CLSTN2: variants seen among roughly 807,000 people sequenced by gnomAD.
CLSTN2 encodes the protein calsyntenin-2.
CLSTN2 carries 48 observed loss-of-function variants against 101.2 expected under a neutral mutation model. The observed-to-expected ratio is 0.47, with a 90% CI of 0.38 to 0.60. The LOEUF is 0.60. Ranked by LOEUF, CLSTN2 falls within the 20% of genes least tolerant of loss-of-function variation. The pLI, the probability that CLSTN2 is intolerant of heterozygous loss-of-function variation, is 0.00. For missense variants in CLSTN2, 1,160 were observed against 1,238.2 expected (o/e 0.94, Z 0.95); for synonymous variants, 481 against 463.6 (o/e 1.04, Z -0.48).
chr3:140,469,309 C>T (rs1192962800), intron 8 of CLSTN2, among the ~76,000 whole-genome samples: 1 of 152,190 alleles, frequency 6.6e-6, no homozygotes, highest in African/African-American at 2.4e-5. Context: ...AGCCCCAGCT[C>T]ACCTGCACAG....
In CLSTN2 at chr3:140,237,940, CTCTGCTG is replaced by C. The variant is rs2086430997; in HGVS notation, c.232+61871_232+61877del. Among the ~76,000 whole-genome samples, 4 of 152,142 alleles carry C rather than the reference CTCTGCTG, an allele frequency of 2.6e-5. No homozygotes were observed. The South Asian group carries it at 6.2e-4, about 24-fold the overall frequency. Reference sequence around the variant, plus strand: ...TTGAAGTCATAATCTCAACTTTAGGCTCTGCTGTCTCAAAAGCATTTCTGTAAATCAA... The same window carrying C: ...TTGAAGTCATAATCTCAACTTTAGGCTCTCAAAAGCATTTCTGTAAATCAA... On this transcript the variant is annotated intron_variant, in intron 2 of 16. Coordinates refer to ENST00000458420, the MANE Select transcript of CLSTN2 (RefSeq NM_022131.3).
At chr3:140,341,906 G>A (rs757211943) in intron 2 of CLSTN2, among the ~76,000 whole-genome samples, 35 of 152,276 alleles carry the variant, frequency 2.3e-4, no homozygotes, top group Admixed American at 1.0e-3. Context: ...GAGTCTGACA[G>A]CAGGTGGTTA....
intron 9 of CLSTN2, among the ~76,000 whole-genome samples, chr3:140,533,990 A>G (rs571616073): frequency 6.6e-5 from 10 of 152,306 alleles, no homozygotes; most frequent in African/African-American, 2.4e-4. Context: ...AATGTTTATT[A>G]AATATTTCAG....
intron 5 of CLSTN2, among the ~76,000 whole-genome samples, chr3:140,437,200 C>G (rs1265235655): frequency 2.0e-5 from 3 of 152,084 alleles, no homozygotes; most frequent in Non-Finnish European, 2.9e-5. Flanking sequence ...AGTTGCCCAC[C>G]ACCATGCCCA....
chr3:140,301,201 C>T (rs1164224712), intron 2 of CLSTN2, among the ~76,000 whole-genome samples: 3 of 152,132 alleles, frequency 2.0e-5, no homozygotes, highest in African/African-American at 7.2e-5. Flanking sequence ...TCTGGGCACC[C>T]CTTGTCAGCT....
At chr3:140,288,944 C>G (rs1297899395) in intron 2 of CLSTN2, among the ~76,000 whole-genome samples, 1 of 78,314 alleles carries the variant, frequency 1.3e-5, no homozygotes, top group African/African-American at 5.5e-5. Flanking sequence ...CACTCTCCTC[C>G]CTGATCCCCC....
intron 1 of CLSTN2, among the ~76,000 whole-genome samples, chr3:140,092,338 C>G (rs1311686907): frequency 6.6e-6 from 1 of 152,222 alleles, no homozygotes; most frequent in Non-Finnish European, 1.5e-5. Context: ...AGACATGCCC[C>G]TGTTTTGCTC....
intron 4 of CLSTN2, among the ~76,000 whole-genome samples, chr3:140,410,198 A>T (rs1332432499): frequency 6.6e-6 from 1 of 152,052 alleles, no homozygotes; most frequent in Non-Finnish European, 1.5e-5. Context: ...TGAAACTTAA[A>T]GTTCTCTAAT....
chr3:140,316,994 G>A (rs1023719434), intron 2 of CLSTN2, among the ~76,000 whole-genome samples: 2 of 152,154 alleles, frequency 1.3e-5, no homozygotes, highest in Admixed American at 6.5e-5. Flanking sequence ...TCATTTTAGG[G>A]ACAATTCCAG....
intron 8 of CLSTN2, among the ~76,000 whole-genome samples, chr3:140,511,300 G>T (rs1481442051): frequency 1.3e-5 from 2 of 152,060 alleles, no homozygotes; most frequent in East Asian, 1.9e-4. Flanking sequence ...TCATGTCTTT[G>T]CTATTGTGAA....
At chr3:140,029,370 AGTATACATATGGTAT>A (rs1471906068) in intron 1 of CLSTN2, among the ~76,000 whole-genome samples, 1 of 152,210 alleles carries the variant, frequency 6.6e-6, no homozygotes, top group Non-Finnish European at 1.5e-5. Context: ...AAAAGTATAT[AGTATACATATGGTAT>A]GTATATGTTC....
chr3:140,378,970 G>A (rs1248484389), intron 2 of CLSTN2, among the ~76,000 whole-genome samples: 1 of 152,090 alleles, frequency 6.6e-6, no homozygotes, highest in Non-Finnish European at 1.5e-5. Flanking sequence ...TTAAATCATA[G>A]CCTCAACTTA....
In CLSTN2 at chr3:140,080,166, C is replaced by T. The variant is rs111458663; in HGVS notation, c.110-95785C>T. Among the ~76,000 whole-genome samples, 215 of 152,296 alleles carry T rather than the reference C, an allele frequency of 1.4e-3. 4 individuals are homozygous for T. Among genetic ancestry groups the T allele is most frequent in the African/African-American group, 5.0e-3 (208 of 41,550 alleles). On this transcript the variant is annotated intron_variant, in intron 1 of 16. Coordinates refer to ENST00000458420, the MANE Select transcript of CLSTN2 (RefSeq NM_022131.3). ...TCATGATAGAGCAAGGATATTGTCA[C>T]CTGAGAAACCAACATTGAACCTCCT... is the stretch of plus-strand genomic sequence containing the variant.
intron 8 of CLSTN2, among the ~76,000 whole-genome samples, chr3:140,515,060 T>C (rs772802822): frequency 1.4e-5 from 2 of 144,586 alleles, no homozygotes; most frequent in Non-Finnish European, 2.9e-5. Context: ...CTGCTTGTTA[T>C]TGGTCTGTTC....
chr3:140,157,995 C>T (rs765277237), intron 1 of CLSTN2, among the ~76,000 whole-genome samples: 3 of 152,182 alleles, frequency 2.0e-5, no homozygotes, highest in Non-Finnish European at 2.9e-5. Context: ...GCCAAAAGGC[C>T]GAGAAGCAAT....
chr3:140,421,054 G>T, intron 4 of CLSTN2, 71 bp from the exon 5 acceptor site: 1 of 1,499,266 alleles, frequency 6.7e-7, no homozygotes, highest in Non-Finnish European at 9.1e-7. Flanking sequence ...GTGGAGTGGA[G>T]AAGAGATTTG....
At position 140,286,559 on chromosome 3, in the gene CLSTN2, G is replaced by A. The variant is rs190185547; in HGVS notation, c.232+110486G>A. 5.9e-5 allele frequency among the ~76,000 whole-genome samples: 9 copies of A among 152,286 alleles called. No individual in the cohort carries two copies. The East Asian group carries it at 1.7e-3, about 29-fold the overall frequency. On this transcript the variant is annotated intron_variant, in intron 2 of 16. Coordinates refer to ENST00000458420, the MANE Select transcript of CLSTN2 (RefSeq NM_022131.3). Reference sequence around the variant, plus strand: ...ATATTCTTTTGCCGCCCTCTATTCAGTGTCTACCATAGATACGATGTATAC... The same window carrying A: ...ATATTCTTTTGCCGCCCTCTATTCAATGTCTACCATAGATACGATGTATAC...
At chr3:140,370,951 A>G (rs959458108) in intron 2 of CLSTN2, among the ~76,000 whole-genome samples, 2 of 151,248 alleles carry the variant, frequency 1.3e-5, no homozygotes, top group African/African-American at 2.4e-5. Flanking sequence ...CTGCGAGGGC[A>G]TGGTGGCTCC....
intron 1 of CLSTN2, among the ~76,000 whole-genome samples, chr3:140,116,350 A>G (rs1341300689): frequency 6.6e-6 from 1 of 152,250 alleles, no homozygotes; most frequent in Non-Finnish European, 1.5e-5. Flanking sequence ...AATATTATTA[A>G]ATTCTAGCTA....
Sources: gnomAD v4.1 joint callset for allele counts (sites outside exome capture counted in the v4.1 genomes callset) on GRCh38, gnomAD v4.1.1 for gene constraint, MANE v1.5 for transcripts, NCBI Gene and HGNC (gene_info 2026-07-23, HGNC 2026-07-21) for gene names.